The following CTNNA1 variants were observed in gnomAD, a reference collection of about 807,000 sequenced individuals.
The protein encoded by CTNNA1 is catenin alpha-1.
CTNNA1 carries 37 observed loss-of-function variants against 98.4 expected under a neutral mutation model. The ratio of observed to expected loss-of-function variants is 0.38; its 90% CI spans 0.29 to 0.49. The LOEUF (loss-of-function observed/expected upper bound fraction) is 0.49, where lower values mean the gene tolerates loss of function less well. Among genes scored for constraint, CTNNA1 ranks in the 20% least tolerant of loss-of-function variants. CTNNA1 has a pLI of 0.95. For missense variants in CTNNA1, 761 were observed against 1,147.2 expected (o/e 0.66, Z 4.86); for synonymous variants, 404 against 413.2 (o/e 0.98, Z 0.27).
At chr5:138,878,266 C>T (rs1466961018) in intron 7 of CTNNA1, among the ~76,000 whole-genome samples, 1 of 152,108 alleles carries the variant, frequency 6.6e-6, no homozygotes, top group Non-Finnish European at 1.5e-5. Context: ...GGCTGTGGAA[C>T]CAAAGAAGAC....
At chr5:138,839,537 C>T (rs188650025) in intron 7 of CTNNA1, among the ~76,000 whole-genome samples, 57 of 152,300 alleles carry the variant, frequency 3.7e-4, no homozygotes, top group Non-Finnish European at 7.2e-4. Flanking sequence ...GAAAGTGTCA[C>T]TTAGATCTAG....
rs869240008 is a variant in CTNNA1, at chr5:138,852,871, G to GCGCACACACACGCGCGCGCGCA, written c.1062+25154_1062+25155insGCACACACACGCGCGCGCGCAC. The stretch of plus-strand genomic sequence containing the variant: ...CCCTTCCCTCTTTTCGCGCGCGCGC[G>GCGCACACACACGCGCGCGCGCA]CACACACACATTTTTGCATAGGTGT... On this transcript the variant is annotated intron_variant, in intron 7 of 17. Transcript: ENST00000302763. 7.3e-3 allele frequency among the ~76,000 whole-genome samples: 1,104 copies of GCGCACACACACGCGCGCGCGCA among 151,356 alleles called. 12 individuals carry two copies. Among genetic ancestry groups the GCGCACACACACGCGCGCGCGCA allele is most frequent in the African/African-American group, 0.017 (705 of 41,240 alleles).
At chr5:138,776,889 C>T (rs1446763610) in intron 1 of CTNNA1, among the ~76,000 whole-genome samples, 2 of 126,024 alleles carry the variant, frequency 1.6e-5, no homozygotes, top group African/African-American at 3.0e-5. Context: ...GGCGGCTGGC[C>T]GGGCAGGGGG....
intron 3 of CTNNA1, among the ~76,000 whole-genome samples, chr5:138,793,017 A>G (rs1041674680): frequency 4.6e-5 from 7 of 151,880 alleles, no homozygotes; most frequent in Admixed American, 3.3e-4. Flanking sequence ...TTTTCATGTG[A>G]TCCCATTGTG....
intron 11 of CTNNA1, among the ~76,000 whole-genome samples, chr5:138,923,532 C>G (rs1489051592): frequency 1.3e-5 from 2 of 151,930 alleles, no homozygotes; most frequent in African/African-American, 4.8e-5. Context: ...TTTGTTTTGG[C>G]TTTTGTTTTT....
At chr5:138,819,556 G>A (rs6873425) in intron 5 of CTNNA1, among the ~76,000 whole-genome samples, 105,351 of 151,986 alleles carry the variant, frequency 0.69, 36,649 homozygotes, top group East Asian at 0.93. Context: ...CTGCTTCAGC[G>A]CAGGCCTGAG....
chr5:138,917,574 G>A (rs770279498), intron 10 of CTNNA1, among the ~76,000 whole-genome samples, 168 bp from the exon 11 acceptor site: 1 of 152,104 alleles, frequency 6.6e-6, no homozygotes, highest in Non-Finnish European at 1.5e-5. Flanking sequence ...AATAAAATAT[G>A]TATTAATTCA....
intron 7 of CTNNA1, among the ~76,000 whole-genome samples, chr5:138,853,088 G>C (rs1763390318): frequency 6.6e-6 from 1 of 151,812 alleles, no homozygotes; most frequent in Non-Finnish European, 1.5e-5. Context: ...TGTGCTAACA[G>C]TAGGCATTAT....
At chr5:138,795,217 T>C (rs1057343073) in intron 3 of CTNNA1, among the ~76,000 whole-genome samples, 2 of 148,846 alleles carry the variant, frequency 1.3e-5, no homozygotes, top group Non-Finnish European at 3.0e-5. Context: ...ATCCCAGCAC[T>C]TTGGGAGGCC....
At chr5:138,871,047 C>T (rs1750537802) in intron 7 of CTNNA1, 2 of 151,852 alleles carry the variant, frequency 1.3e-5, no homozygotes, top group South Asian at 2.1e-4. Context: ...TGCTTTTTAC[C>T]GAGAGATGTT....
At position 138,919,967 on chromosome 5, in the gene CTNNA1, A is replaced by ATT. The variant is rs34990349; in HGVS notation, c.1546+2094_1546+2095dup. Among the ~76,000 whole-genome samples, 284 of 79,426 alleles carry ATT rather than the reference A, an allele frequency of 3.6e-3. 6 individuals are homozygous for ATT. Among genetic ancestry groups the ATT allele is most frequent in the African/African-American group, 0.014 (250 of 18,506 alleles). The allele number at this position is 79,426 out of a possible 152,430, so 52.1% of individuals were successfully genotyped here. ...TCCCTTACCCATGGTAGCTTTGGCAATTTTTTTTTTTTTTTTTTTTTTTTT... is the reference window on the plus strand; with the variant it reads ...TCCCTTACCCATGGTAGCTTTGGCAATTTTTTTTTTTTTTTTTTTTTTTTTTT... On this transcript the variant is annotated intron_variant, in intron 11 of 17. Coordinates refer to ENST00000302763, the MANE Select transcript of CTNNA1 (RefSeq NM_001903.5).
At chr5:138,818,064 C>T (rs938644814) in intron 5 of CTNNA1, among the ~76,000 whole-genome samples, 1 of 151,934 alleles carries the variant, frequency 6.6e-6, no homozygotes, top group African/African-American at 2.4e-5. Context: ...GTGTGAGCCA[C>T]TGCATCTGGG....
At position 138,864,481 on chromosome 5, in the gene CTNNA1, C is replaced by A. The variant is rs150363512; in HGVS notation, c.1063-21731C>A. On this transcript the variant is annotated intron_variant, in intron 7 of 17. Transcript: ENST00000302763. ...GAATAATTTTAACCTTACCACCTTT[C>A]ATTAATTTTAGAAAGGCAGTTTCAG... Among the ~76,000 whole-genome samples, 118 of 152,282 alleles carry A rather than the reference C, an allele frequency of 7.7e-4. 3 individuals carry two copies. In the East Asian group the frequency reaches 0.02, roughly 26 times the overall value.
At chr5:138,883,999 T>C (rs1753497010) in intron 7 of CTNNA1, among the ~76,000 whole-genome samples, 1 of 152,212 alleles carries the variant, frequency 6.6e-6, no homozygotes, top group South Asian at 2.1e-4. Flanking sequence ...GAAATAAATA[T>C]TCTAGGGCCC....
At chr5:138,815,106 G>T (rs1378150908) in intron 5 of CTNNA1, among the ~76,000 whole-genome samples, 2 of 151,690 alleles carry the variant, frequency 1.3e-5, no homozygotes, top group Admixed American at 6.6e-5. Flanking sequence ...TACCTGAGTT[G>T]TTTTTTTTCT....
At chr5:138,765,947 C>CAAAAAAAAAAAAAAAAAAAAAAAAAA (rs1026779147) in intron 1 of CTNNA1, among the ~76,000 whole-genome samples, 1 of 48,506 alleles carries the variant, frequency 2.1e-5, no homozygotes, top group African/African-American at 6.7e-5. Context: ...GACTCTGTCT[C>CAAAAAAAAAAAAAAAAAAAAAAAAAA]AAAAAAAAAA....
At chr5:138,849,341 A>G (rs1254920819) in intron 7 of CTNNA1, among the ~76,000 whole-genome samples, 3 of 152,190 alleles carry the variant, frequency 2.0e-5, no homozygotes, top group African/African-American at 4.8e-5. Flanking sequence ...CAAACCCACT[A>G]TCTCATTGTT....
intron 3 of CTNNA1, among the ~76,000 whole-genome samples, chr5:138,807,075 A>G (rs985018059): frequency 7.3e-5 from 11 of 149,860 alleles, no homozygotes; most frequent in African/African-American, 2.7e-4. Flanking sequence ...CAGTGGCGCA[A>G]TCTCGGCTCA....
chr5:138,856,688 T>C (rs1407837460), intron 7 of CTNNA1, among the ~76,000 whole-genome samples: 1 of 152,164 alleles, frequency 6.6e-6, no homozygotes, highest in Non-Finnish European at 1.5e-5. Context: ...CTAGAAATTA[T>C]TGTTTAAAGC....
Sources: gnomAD v4.1 joint callset for allele counts (sites outside exome capture counted in the v4.1 genomes callset) on GRCh38, gnomAD v4.1.1 for gene constraint, MANE v1.5 for transcripts, NCBI Gene and HGNC (gene_info 2026-07-23, HGNC 2026-07-21) for gene names.